The following LTBP1 variants were observed in gnomAD, a reference collection of about 807,000 sequenced individuals.
The protein encoded by LTBP1 is latent-transforming growth factor beta-binding protein 1.
In LTBP1, 129 loss-of-function variants were observed where a neutral mutation model predicts 207.6. The observed-to-expected ratio is 0.62, with a 90% CI of 0.54 to 0.72. LTBP1 has a LOEUF of 0.72. Among genes scored for constraint, LTBP1 ranks in the 30% least tolerant of loss-of-function variants. The pLI is 0.00. For missense variants in LTBP1, 2,281 were observed against 2,217.2 expected (o/e 1.03, Z -0.58); for synonymous variants, 963 against 833.7 (o/e 1.16, Z -2.67).
At chr2:33,063,451 T>C (rs915957340) in intron 3 of LTBP1, among the ~76,000 whole-genome samples, 5 of 152,218 alleles carry the variant, frequency 3.3e-5, no homozygotes, top group African/African-American at 4.8e-5. Flanking sequence ...ATTAATGGTA[T>C]TTGCAAAAGT....
At chr2:33,264,620 A>G (rs2093123371) in intron 15 of LTBP1, among the ~76,000 whole-genome samples, 2 of 152,244 alleles carry the variant, frequency 1.3e-5, no homozygotes, top group South Asian at 4.1e-4. Flanking sequence ...ACCAAGAAGC[A>G]TGTAACAGAA....
chr2:32,973,843 G>A (rs565934038), intron 2 of LTBP1, among the ~76,000 whole-genome samples: 13 of 152,214 alleles, frequency 8.5e-5, no homozygotes, highest in South Asian at 2.1e-4. Context: ...GAGAACATGT[G>A]ATATTTGTCT....
intron 3 of LTBP1, among the ~76,000 whole-genome samples, chr2:33,089,192 GAAGAA>G (rs202092400): frequency 0.028 from 4,269 of 150,046 alleles, 81 homozygotes; most frequent in South Asian, 0.071. Flanking sequence ...AAAAAGAAAA[GAAGAA>G]AAGAAAATGT....
chr2:33,284,958 T>A (rs993718956), intron 19 of LTBP1, among the ~76,000 whole-genome samples: 27 of 151,882 alleles, frequency 1.8e-4, no homozygotes, highest in African/African-American at 5.8e-4. Context: ...ATTACCCTCC[T>A]CTATACTGCT....
chr2:33,335,847 T>C (rs762506515), intron 24 of LTBP1, among the ~76,000 whole-genome samples: 5 of 152,160 alleles, frequency 3.3e-5, no homozygotes, highest in Non-Finnish European at 7.4e-5. Flanking sequence ...TGGATCTGTT[T>C]TCCTAAGATT....
chr2:33,207,386 C>T (rs958880676), intron 7 of LTBP1, among the ~76,000 whole-genome samples: 1 of 152,100 alleles, frequency 6.6e-6, no homozygotes, highest in African/African-American at 2.4e-5. Context: ...ATGCTCTAGT[C>T]ACAGTAGATA....
intron 5 of LTBP1, among the ~76,000 whole-genome samples, chr2:33,172,955 A>G (rs1383070551): frequency 6.6e-6 from 1 of 152,102 alleles, no homozygotes; most frequent in Non-Finnish European, 1.5e-5. Flanking sequence ...TTTGAAACCA[A>G]CGAGAACAAA....
intron 12 of LTBP1, among the ~76,000 whole-genome samples, chr2:33,258,473 C>T (rs1290460670): frequency 2.0e-5 from 3 of 152,132 alleles, no homozygotes; most frequent in Non-Finnish European, 2.9e-5. Flanking sequence ...GAGCTCTGAA[C>T]GTTTGTGTGT....
chr2:33,030,475 AAAACCATTTCCG>A (rs2075642689), intron 3 of LTBP1, among the ~76,000 whole-genome samples: 1 of 152,190 alleles, frequency 6.6e-6, no homozygotes, highest in Admixed American at 6.5e-5. Context: ...AAATTCAGAA[AAAACCATTTCCG>A]TGTAGTGAGG....
chr2:33,254,852 GTTTTTTTTTTTTTTTTT>G (rs70938393), intron 11 of LTBP1, among the ~76,000 whole-genome samples: 4 of 10,362 alleles, frequency 3.9e-4, no homozygotes, highest in South Asian at 6.8e-3. Flanking sequence ...GCGGTGTTTG[GTTTTTTTTTTTTTTTTT>G]TTTTTTTTTT....
At chr2:33,061,186 A>G (rs1371932451) in intron 3 of LTBP1, among the ~76,000 whole-genome samples, 1 of 152,166 alleles carries the variant, frequency 6.6e-6, no homozygotes, top group African/African-American at 2.4e-5. Context: ...TACAAGATGG[A>G]TGGATGATAC....
chr2:32,963,368 C>G (rs550547113), intron 2 of LTBP1, among the ~76,000 whole-genome samples: 15 of 112,874 alleles, frequency 1.3e-4, no homozygotes, highest in African/African-American at 4.0e-4. Flanking sequence ...CCATGCCCAG[C>G]TATTTTTTTT....
At chr2:33,296,647 T>C (rs1307464437) in intron 20 of LTBP1, among the ~76,000 whole-genome samples, 1 of 152,080 alleles carries the variant, frequency 6.6e-6, no homozygotes, top group Non-Finnish European at 1.5e-5. Context: ...CTGGGAAAGA[T>C]TGGTTGGGGA....
intron 7 of LTBP1, among the ~76,000 whole-genome samples, chr2:33,207,725 G>A (rs1335322058): frequency 6.6e-6 from 1 of 152,180 alleles, no homozygotes; most frequent in Non-Finnish European, 1.5e-5. Context: ...TTGCACTAGC[G>A]ATAGGGGTTA....
In LTBP1 at chr2:33,252,671, CT is replaced by C. The variant is rs770403992; in HGVS notation, c.2000-4del. ...TGTAATGTCGGGCTTTATCTCTCTG[CT>C]TCAGCTGATCCCCCTGTGATCTCGG... On this transcript the variant is annotated splice_region_variant and splice_polypyrimidine_tract_variant and intron_variant, in intron 10 of 33. Coordinates refer to ENST00000404816, the MANE Select transcript of LTBP1 (RefSeq NM_206943.4). The C allele has an allele frequency of 3.1e-6, 5 of 1,607,198 alleles. No homozygotes were observed. Among genetic ancestry groups the C allele is most frequent in the Non-Finnish European group, 3.4e-6 (4 of 1,175,100 alleles).
intron 4 of LTBP1, among the ~76,000 whole-genome samples, chr2:33,118,567 G>C (rs2080912259): frequency 2.0e-5 from 3 of 152,120 alleles, no homozygotes; most frequent in Non-Finnish European, 2.9e-5. Flanking sequence ...AATGATTTCT[G>C]GCAAAGTTTT....
chr2:33,109,802 G>C (rs2080285497), intron 3 of LTBP1, among the ~76,000 whole-genome samples: 1 of 152,184 alleles, frequency 6.6e-6, no homozygotes, highest in Non-Finnish European at 1.5e-5. Flanking sequence ...CATTTGTTCA[G>C]ATTTTTACAG....
At chr2:33,336,534 T>C (rs2094555353) in intron 24 of LTBP1, among the ~76,000 whole-genome samples, 2 of 152,210 alleles carry the variant, frequency 1.3e-5, no homozygotes. Flanking sequence ...GACCATATGA[T>C]TCATCTAAAA....
Position 33,364,295 on chromosome 2 carries a change from T to C in LTBP1, c.4479T>C (p.Cys1493=). ...CAGAGGGCTCTTACAACTGCTTCTG[T>C]ACTCACCCCATGGTCCTGGATGCGT... ...VNTEGSYNCF[C]THPMVLDASE... The change falls in exon 30 of 34, where the codon TGT becomes TGC. Residue 1493 remains cysteine (C), a synonymous_variant. Transcript: ENST00000404816. The C allele has an allele frequency of 1.9e-6, 3 of 1,614,100 alleles. No individual in the cohort carries two copies. The South Asian group carries it at 3.3e-5, about 18-fold the overall frequency.
Sources: allele counts gnomAD v4.1 joint callset (sites outside exome capture counted in the v4.1 genomes callset), GRCh38; gene constraint gnomAD v4.1.1; transcripts MANE v1.5; gene names NCBI Gene and HGNC (gene_info 2026-07-23, HGNC 2026-07-21).